The following GALNTL6 variants were observed in gnomAD, a reference collection of about 807,000 sequenced individuals.
GALNTL6 encodes polypeptide N-acetylgalactosaminyltransferase-like 6.
In GALNTL6, 46 loss-of-function variants were observed where a neutral mutation model predicts 73.7. That is an observed-to-expected ratio of 0.62 (90% CI 0.49 to 0.80). The LOEUF (loss-of-function observed/expected upper bound fraction) is 0.80. Ranked by LOEUF, GALNTL6 falls within the 30% of genes least tolerant of loss-of-function variation. GALNTL6 has a pLI of 0.00. For missense variants in GALNTL6, 604 were observed against 755.0 expected (o/e 0.80, Z 2.34); for synonymous variants, 259 against 263.7 (o/e 0.98, Z 0.17).
At chr4:172,766,185 T>C (rs1200183701) in intron 5 of GALNTL6, among the ~76,000 whole-genome samples, 1 of 152,178 alleles carries the variant, frequency 6.6e-6, no homozygotes, top group East Asian at 1.9e-4. Flanking sequence ...GATTAAACGA[T>C]TCTTCAGCTT....
intron 2 of GALNTL6, among the ~76,000 whole-genome samples, chr4:172,046,254 T>C (rs529189809): frequency 6.6e-6 from 1 of 152,080 alleles, no homozygotes; most frequent in South Asian, 2.1e-4. Flanking sequence ...TTTAAATCTT[T>C]TGGGCACGTA....
chr4:172,843,361 C>T (rs567081121), intron 7 of GALNTL6, among the ~76,000 whole-genome samples: 7 of 152,264 alleles, frequency 4.6e-5, no homozygotes, highest in South Asian at 2.1e-4. Context: ...AGAGTGGCTT[C>T]GGTAATGGCT....
chr4:172,243,614 A>G (rs182966409), intron 3 of GALNTL6, among the ~76,000 whole-genome samples: 1 of 152,230 alleles, frequency 6.6e-6, no homozygotes, highest in East Asian at 1.9e-4. Context: ...TAATCTCATG[A>G]TTAAAGTCAC....
At chr4:172,598,178 A>G (rs1455131) in intron 5 of GALNTL6, among the ~76,000 whole-genome samples, 97,534 of 151,952 alleles carry the variant, frequency 0.64, 32,227 homozygotes, top group East Asian at 0.99. Context: ...TATTATACAT[A>G]GGCCATCTGC....
chr4:172,143,397 T>C (rs937567044), intron 2 of GALNTL6, among the ~76,000 whole-genome samples: 2 of 151,920 alleles, frequency 1.3e-5, no homozygotes, highest in Non-Finnish European at 2.9e-5. Flanking sequence ...TTTATTTGAT[T>C]TCTTTGTCTT....
chr4:172,871,306 A>G (rs985208957), intron 7 of GALNTL6, among the ~76,000 whole-genome samples: 1 of 152,114 alleles, frequency 6.6e-6, no homozygotes, highest in Non-Finnish European at 1.5e-5. Context: ...CAAGTTGAAC[A>G]TGTTCTTATC....
At chr4:172,087,670 A>C (rs1252105058) in intron 2 of GALNTL6, among the ~76,000 whole-genome samples, 2 of 151,850 alleles carry the variant, frequency 1.3e-5, no homozygotes, top group Non-Finnish European at 2.9e-5. Flanking sequence ...TACCTCATGG[A>C]AAAAGGCAGT....
intron 5 of GALNTL6, among the ~76,000 whole-genome samples, chr4:172,368,505 T>C (rs954353139): frequency 6.6e-6 from 1 of 152,274 alleles, no homozygotes; most frequent in Admixed American, 6.5e-5. Context: ...CTTTAAGCTC[T>C]GCTGCCCTCT....
At chr4:171,998,310 A>G (rs1348414237) in intron 2 of GALNTL6, among the ~76,000 whole-genome samples, 2 of 152,124 alleles carry the variant, frequency 1.3e-5, no homozygotes. Flanking sequence ...GTGACTGTGG[A>G]GGTCTAATGA....
chr4:172,618,973 C>T (rs965840711), intron 5 of GALNTL6, among the ~76,000 whole-genome samples: 4 of 152,112 alleles, frequency 2.6e-5, no homozygotes, highest in Admixed American at 6.5e-5. Flanking sequence ...CCGCCTGCCT[C>T]GGCCTTCCAA....
intron 2 of GALNTL6, among the ~76,000 whole-genome samples, chr4:172,088,286 T>A (rs1732106895): frequency 6.6e-6 from 1 of 152,192 alleles, no homozygotes; most frequent in Non-Finnish European, 1.5e-5. Flanking sequence ...ACTCTAAGAT[T>A]ATTAGCCCTC....
At chr4:172,239,583 A>C (rs902822916) in intron 3 of GALNTL6, among the ~76,000 whole-genome samples, 3 of 151,710 alleles carry the variant, frequency 2.0e-5, no homozygotes, top group Non-Finnish European at 4.4e-5. Context: ...TCTCAATTTC[A>C]TTCGGTTCTG....
chr4:172,181,717 C>CTT (rs751155404), intron 2 of GALNTL6, among the ~76,000 whole-genome samples: 10 of 135,158 alleles, frequency 7.4e-5, no homozygotes, highest in East Asian at 6.3e-4. Context: ...CCCAAATCTT[C>CTT]TTTTTTTTTT....
At chr4:172,364,878 T>C (rs1742499490) in intron 5 of GALNTL6, among the ~76,000 whole-genome samples, 1 of 152,206 alleles carries the variant, frequency 6.6e-6, no homozygotes, top group Non-Finnish European at 1.5e-5. Flanking sequence ...GAGAATTTTT[T>C]TCTCCCCAAG....
At chr4:172,359,528 G>GT (rs1027775052) in intron 5 of GALNTL6, among the ~76,000 whole-genome samples, 12 of 152,162 alleles carry the variant, frequency 7.9e-5, no homozygotes, top group Admixed American at 3.3e-4. Context: ...TGACATCAGT[G>GT]TTTTTTTAAA....
chr4:172,444,704 A>G (rs1359373428), intron 5 of GALNTL6, among the ~76,000 whole-genome samples: 1 of 152,196 alleles, frequency 6.6e-6, no homozygotes, highest in Non-Finnish European at 1.5e-5. Flanking sequence ...TAATAATATG[A>G]TAAGCTATTC....
chr4:172,243,855 G>A (rs1027898832), intron 3 of GALNTL6, among the ~76,000 whole-genome samples: 1 of 152,102 alleles, frequency 6.6e-6, no homozygotes, highest in Non-Finnish European at 1.5e-5. Flanking sequence ...AGAATGAGAA[G>A]CAGAAATGTG....
At chr4:172,038,320 T>G (rs956075696) in intron 2 of GALNTL6, among the ~76,000 whole-genome samples, 1 of 127,112 alleles carries the variant, frequency 7.9e-6, no homozygotes, top group Admixed American at 9.1e-5. Context: ...TTGTGAGAGT[T>G]TTAAGTATTT....
chr4:172,594,444 A>T (rs549457913), intron 5 of GALNTL6, among the ~76,000 whole-genome samples: 6 of 152,332 alleles, frequency 3.9e-5, no homozygotes, highest in African/African-American at 1.4e-4. Context: ...AAATGTATCC[A>T]TTAAATCTGT....
Sources: allele counts gnomAD v4.1 joint callset (sites outside exome capture counted in the v4.1 genomes callset), GRCh38; gene constraint gnomAD v4.1.1; transcripts MANE v1.5; gene names NCBI Gene and HGNC (gene_info 2026-07-23, HGNC 2026-07-21).